The following TKT variants were observed in gnomAD, a reference collection of about 807,000 sequenced individuals.
TKT encodes transketolase, also known as epididymis luminal protein 107.
In TKT, 47 loss-of-function variants were observed where a neutral mutation model predicts 63.9. The ratio of observed to expected loss-of-function variants is 0.74; its 90% CI spans 0.58 to 0.94. TKT has a LOEUF of 0.94. Among genes scored for constraint, TKT ranks in the 40% least tolerant of loss-of-function variants. TKT has a pLI of 0.00. For missense variants in TKT, 721 were observed against 846.2 expected, an observed-to-expected ratio of 0.85 and a Z score of 1.84; for synonymous variants, 338 against 334.1, an observed-to-expected ratio of 1.01 and a Z score of -0.13.
intron 1 of TKT, chr3:53,243,504 TTAG>T (rs1443510275): frequency 1.6e-5 from 7 of 451,530 alleles, no homozygotes; most frequent in Admixed American, 2.4e-5. Flanking sequence ...TGCAGACAAG[TTAG>T]TAGTAGAGAA....
chr3:53,239,804 C>G (rs1457882813), intron 4 of TKT, among the ~76,000 whole-genome samples: 3 of 152,230 alleles, frequency 2.0e-5, no homozygotes, highest in Non-Finnish European at 4.4e-5. Context: ...TCAGAACATA[C>G]AACCCTCCCC....
At chr3:53,240,479 T>C (rs1471244832) in intron 3 of TKT, 131 bp from the exon 4 acceptor site, 1 of 693,298 alleles carries the variant, frequency 1.4e-6, no homozygotes, top group African/African-American at 1.8e-5. Context: ...GGATGGCCTC[T>C]ACCTAGCATG....
chr3:53,246,109 AAT>A (rs1295748756), intron 1 of TKT, among the ~76,000 whole-genome samples: 1 of 152,040 alleles, frequency 6.6e-6, no homozygotes, highest in African/African-American at 2.4e-5. Context: ...ATCTACTACA[AAT>A]ACAAAAATTA....
intron 12 of TKT, chr3:53,227,390 G>GGCTCCTCCAGCCCCATCTT (rs1243717995): frequency 6.2e-6 from 1 of 160,930 alleles, no homozygotes; most frequent in Non-Finnish European, 1.4e-5. Flanking sequence ...GGACTCCTCT[G>GGCTCCTCCAGCCCCATCTT]GCTCCTCCAG....
intron 1 of TKT, among the ~76,000 whole-genome samples, chr3:53,247,895 G>A (rs528106152): frequency 5.9e-5 from 9 of 152,170 alleles, no homozygotes; most frequent in Non-Finnish European, 1.3e-4. Context: ...CTGACATTAG[G>A]TGGTTATTGC....
At position 53,229,145 on chromosome 3, in the gene TKT, G is replaced by T; in HGVS notation, c.1265-8C>A. The T allele has an allele frequency of 6.2e-7, 1 of 1,614,134 alleles. No individual in the cohort carries two copies. Among genetic ancestry groups the T allele is most frequent in the Non-Finnish European group, 8.5e-7 (1 of 1,179,998 alleles). On this transcript the variant is annotated splice_region_variant and splice_polypyrimidine_tract_variant and intron_variant, in intron 9 of 13. Transcript: ENST00000462138. The stretch of plus-strand genomic sequence containing the variant: ...GGGAGGGCCCGTCTTCCCCTGGGGT[G>T]TGGGGGAAAGGATATGCAGAAATAA...
intron 1 of TKT, among the ~76,000 whole-genome samples, chr3:53,247,847 C>G (rs2106722553): frequency 6.6e-6 from 1 of 152,202 alleles, no homozygotes; most frequent in East Asian, 1.9e-4. Flanking sequence ...ACCACACTGT[C>G]TAAAATAGCT....
chr3:53,237,121 C>G (rs1252476391), intron 4 of TKT, among the ~76,000 whole-genome samples: 1 of 152,010 alleles, frequency 6.6e-6, no homozygotes, highest in Non-Finnish European at 1.5e-5. Flanking sequence ...CAGTGGCTCA[C>G]GCCTGTAATC....
intron 1 of TKT, among the ~76,000 whole-genome samples, chr3:53,244,633 A>T (rs1705428227): frequency 6.6e-6 from 1 of 152,016 alleles, no homozygotes; most frequent in Non-Finnish European, 1.5e-5. Context: ...TTCAAGCTCA[A>T]CTTCCTAGCG....
chr3:53,229,424 C>A lies in TKT; in HGVS notation c.1120G>T (p.Val374Leu), dbSNP rs892530402. Residue 374 changes from valine (V) to leucine (L), a missense_variant, in exon 9 of 14, where the codon GTG becomes TTG. Coordinates refer to ENST00000462138, the MANE Select transcript of TKT (RefSeq NM_001064.4). Reference sequence around the variant, plus strand: ...GTCCTGTTGCGGGTGGCACAGCCCACCGCGATGCTCACCTGGGGGCAGGTG... The same window carrying A: ...GTCCTGTTGCGGGTGGCACAGCCCAACGCGATGCTCACCTGGGGGCAGGTG... ...IAEQNMVSIAVGCATRNRTVP... is the reference protein window; with the variant it reads ...IAEQNMVSIALGCATRNRTVP... 4.4e-6 allele frequency: 7 copies of A among 1,607,104 alleles called. No homozygotes were observed. In the South Asian group the frequency reaches 6.7e-5, roughly 15 times the overall value.
intron 5 of TKT, 168 bp downstream of exon 5, chr3:53,234,815 A>G: frequency 1.6e-6 from 1 of 628,034 alleles, no homozygotes; most frequent in Admixed American, 3.6e-5. Context: ...CTGAGCCATT[A>G]AGTCCAAATG....
At chr3:53,229,555 C>CT (rs1371152515) in intron 8 of TKT, 119 bp from the exon 9 acceptor site, 4 of 1,163,440 alleles carry the variant, frequency 3.4e-6, no homozygotes, top group Non-Finnish European at 3.6e-6. Context: ...CCTTTCTGGG[C>CT]TTCTGAATAT....
intron 4 of TKT, among the ~76,000 whole-genome samples, chr3:53,239,170 C>A (rs1705164531): frequency 6.6e-6 from 1 of 152,126 alleles, no homozygotes; most frequent in African/African-American, 2.4e-5. Context: ...TCCTCCTTAC[C>A]TTCCAGCATG....
chr3:53,231,213 G>A (rs1553676922), intron 7 of TKT, 144 bp downstream of exon 7: 5 of 902,514 alleles, frequency 5.5e-6, no homozygotes, highest in Non-Finnish European at 6.6e-6. Flanking sequence ...TGAGGGAAGT[G>A]ACAGGAACAA....
At chr3:53,246,713 A>G (rs1203619488) in intron 1 of TKT, among the ~76,000 whole-genome samples, 1 of 151,860 alleles carries the variant, frequency 6.6e-6, no homozygotes, top group African/African-American at 2.4e-5. Context: ...TTAGCCGGGC[A>G]TGTGGCACAT....
chr3:53,232,960 C>T (rs1553677513), intron 6 of TKT, 196 bp downstream of exon 6: 2 of 574,252 alleles, frequency 3.5e-6, no homozygotes, highest in Non-Finnish European at 6.2e-6. Flanking sequence ...CCGGCAGAGG[C>T]CAGACGGATC....
chr3:53,254,338 G>C (rs183687398), intron 1 of TKT, among the ~76,000 whole-genome samples: 275 of 152,298 alleles, frequency 1.8e-3, no homozygotes, highest in African/African-American at 4.5e-3. Flanking sequence ...CCAGGCAGGG[G>C]ATACCCCACA....
chr3:53,246,681 C>T (rs1465656179), intron 1 of TKT, among the ~76,000 whole-genome samples: 1 of 151,802 alleles, frequency 6.6e-6, no homozygotes, highest in Non-Finnish European at 1.5e-5. Flanking sequence ...GGATAAACCC[C>T]ATCTCTACTA....
chr3:53,242,295 G>A lies in TKT; in HGVS notation c.108-53C>T, dbSNP rs181363023. On this transcript the variant is annotated intron_variant, in intron 1 of 13. Coordinates refer to ENST00000462138, the MANE Select transcript of TKT (RefSeq NM_001064.4). Reference sequence around the variant, plus strand: ...AGGCATCATGGCCCTGCACTCCTGAGCTATTGTGCTCAGCTGTACAGGGAC... The same window carrying A: ...AGGCATCATGGCCCTGCACTCCTGAACTATTGTGCTCAGCTGTACAGGGAC... 916 of 1,560,298 alleles carry A rather than the reference G, an allele frequency of 5.9e-4. 8 individuals are homozygous for A. The African/African-American group carries it at 0.011, about 19-fold the overall frequency.
Sources: allele counts gnomAD v4.1 joint callset (sites outside exome capture counted in the v4.1 genomes callset), GRCh38; gene constraint gnomAD v4.1.1; transcripts MANE v1.5; gene names NCBI Gene and HGNC (gene_info 2026-07-23, HGNC 2026-07-21).